Variants in MAP2K3 observed in about 807,000 individuals in gnomAD.
MAP2K3 encodes mitogen-activated protein kinase kinase 3, also known as dual specificity mitogen-activated protein kinase kinase 3.
A neutral mutation model predicts 46.4 loss-of-function variants in MAP2K3; 30 were observed. The observed-to-expected ratio is 0.65, with a 90% CI of 0.48 to 0.88. The LOEUF (loss-of-function observed/expected upper bound fraction) is 0.88, where lower values mean the gene tolerates loss of function less well. MAP2K3 is among the 40% of genes least tolerant of loss of function. MAP2K3 has a pLI of 0.00. For missense variants in MAP2K3, 380 were observed against 464.5 expected, an observed-to-expected ratio of 0.82 and a Z score of 1.67; for synonymous variants, 189 against 176.3, an observed-to-expected ratio of 1.07 and a Z score of -0.57.
At position 21,312,783 on chromosome 17, in the gene MAP2K3, C is replaced by T. The variant is rs78003967; in HGVS notation, c.914+502C>T. On this transcript the variant is annotated intron_variant, in intron 10 of 11. Transcript: ENST00000342679. Reference sequence around the variant, plus strand: ...TAGGAAAATTAGCCGGGCGTGGTGGCGCATGCCTATAATCCCAGCTACTCA... The same window carrying T: ...TAGGAAAATTAGCCGGGCGTGGTGGTGCATGCCTATAATCCCAGCTACTCA... 2.4e-3 allele frequency among the ~76,000 whole-genome samples: 368 copies of T among 152,128 alleles called. 3 individuals carry two copies. Among genetic ancestry groups the T allele is most frequent in the Middle Eastern group, 6.8e-3 (2 of 294 alleles).
chr17:21,304,312 G>GA (rs1976768105), intron 7 of MAP2K3, 114 bp from the exon 8 acceptor site: 1 of 1,571,602 alleles, frequency 6.4e-7, no homozygotes, highest in African/African-American at 1.3e-5. Flanking sequence ...TGGGGCATGG[G>GA]AGGGGGCACA....
At chr17:21,303,649 G>T (rs1474436224) in intron 7 of MAP2K3, among the ~76,000 whole-genome samples, 1 of 152,312 alleles carries the variant, frequency 6.6e-6, no homozygotes, top group Admixed American at 6.5e-5. Flanking sequence ...CACAAGTCTG[G>T]TTTTCCCACA....
intron 9 of MAP2K3, among the ~76,000 whole-genome samples, chr17:21,307,227 G>C (rs1485998739): frequency 6.6e-6 from 1 of 152,306 alleles, no homozygotes; most frequent in Non-Finnish European, 1.5e-5. Flanking sequence ...GCCTTACCCT[G>C]AGTCACCTCA....
chr17:21,289,381 C>T lies in MAP2K3; in HGVS notation c.49+4412C>T, dbSNP rs552567942. ...TAGAACTCAGGCCCCTGGGCCAGCC[C>T]GGGAAGCAAGAGGGCCTGGGGTCAT... On this transcript the variant is annotated intron_variant, in intron 1 of 11. Coordinates refer to ENST00000342679, the MANE Select transcript of MAP2K3 (RefSeq NM_145109.3). 1.8e-3 allele frequency among the ~76,000 whole-genome samples: 250 copies of T among 141,582 alleles called. 1 individual carries two copies. The highest frequency in any genetic ancestry group is 6.5e-3 in the African/African-American group (241 of 37,024). 92.9% of individuals were successfully genotyped at this position (141,582 alleles called of 152,430 possible).
At chr17:21,313,912 G>A (rs1236675828) in intron 11 of MAP2K3, 12 of 589,784 alleles carry the variant, frequency 2.0e-5, no homozygotes, top group Non-Finnish European at 3.0e-5. Flanking sequence ...GAGGCCTGAC[G>A]TGTGGGGGGA....
At chr17:21,288,143 C>T in intron 1 of MAP2K3, 3 of 1,256,644 alleles carry the variant, frequency 2.4e-6, no homozygotes, top group South Asian at 1.2e-5. Context: ...TGCCAGCCGG[C>T]TGCCTACAGC....
At chr17:21,287,655 G>T (rs79841441) in intron 1 of MAP2K3, among the ~76,000 whole-genome samples, 6,976 of 152,304 alleles carry the variant, frequency 0.046, 529 homozygotes, top group African/African-American at 0.16. Flanking sequence ...TGGGGTTAGA[G>T]GCCAAGTGGC....
intron 1 of MAP2K3, chr17:21,291,851 C>G: frequency 3.0e-6 from 1 of 337,900 alleles, no homozygotes; most frequent in South Asian, 2.3e-5. Flanking sequence ...GGGAGCATGG[C>G]TTTGTCTTTA....
In MAP2K3 at chr17:21,298,937, G is replaced by A. The variant is rs758183649; in HGVS notation, c.165+11G>A. The A allele has an allele frequency of 5.0e-6, 8 of 1,614,110 alleles. No homozygotes were observed. In the South Asian group the frequency reaches 5.5e-5, roughly 11 times the overall value. ...ACCATTGGAGACAGAGTAGGTGCCAGCCGCCACCCCTGCAGGGCCTCTCAC... is the reference window on the plus strand; with the variant it reads ...ACCATTGGAGACAGAGTAGGTGCCAACCGCCACCCCTGCAGGGCCTCTCAC... On this transcript the variant is annotated intron_variant, in intron 3 of 11. Coordinates refer to ENST00000342679, the MANE Select transcript of MAP2K3 (RefSeq NM_145109.3).
intron 1 of MAP2K3, among the ~76,000 whole-genome samples, chr17:21,293,359 G>C (rs1048821936): frequency 6.6e-6 from 1 of 152,310 alleles, no homozygotes; most frequent in African/African-American, 2.4e-5. Context: ...CCTTCCCTAC[G>C]TCCTTCCCTC....
At chr17:21,295,784 G>A (rs753621989) in intron 1 of MAP2K3, 1 of 1,289,446 alleles carries the variant, frequency 7.8e-7, no homozygotes, top group African/African-American at 1.5e-5. Context: ...GGAAACTGAG[G>A]CTTGGTGAAG....
chr17:21,304,052 T>C (rs202191030), intron 7 of MAP2K3, among the ~76,000 whole-genome samples: 1 of 110 alleles, frequency 9.1e-3, no homozygotes, highest in Non-Finnish European at 0.05. Flanking sequence ...CAGGCTTTAA[T>C]TGATCCTGCT....
rs1047156202 is a variant in MAP2K3 at position 21,295,884 on chromosome 17, A to G, written c.50-2529A>G. 4 of 1,281,116 alleles carry G rather than the reference A, an allele frequency of 3.1e-6. No homozygotes were observed. In the East Asian group the frequency reaches 2.2e-4, roughly 71 times the overall value. The allele number at this position is 1,281,116 out of a possible 1,614,324, so 79.4% of individuals were successfully genotyped here. ...GAGGGACCAAGAGCAGAGAGAGTGC[A>G]GGGAGGGTGTGGCGTGGACCCCACA... On this transcript the variant is annotated intron_variant, in intron 1 of 11. Coordinates refer to ENST00000342679, the MANE Select transcript of MAP2K3 (RefSeq NM_145109.3).
At chr17:21,299,234 G>A (rs1460937917) in intron 3 of MAP2K3, among the ~76,000 whole-genome samples, 1 of 152,306 alleles carries the variant, frequency 6.6e-6, no homozygotes, top group Non-Finnish European at 1.5e-5. Context: ...TATTGAACAT[G>A]CAGGCTCCTA....
intron 5 of MAP2K3, 62 bp from the exon 6 acceptor site, chr17:21,302,080 AG>A (rs1457832948): frequency 5.8e-5 from 87 of 1,505,188 alleles, no homozygotes; most frequent in Non-Finnish European, 7.8e-5. Flanking sequence ...TGGGGCAGGC[AG>A]TGCAGGTGGT....
chr17:21,286,379 A>G (rs1975723397), intron 1 of MAP2K3, among the ~76,000 whole-genome samples: 1 of 152,242 alleles, frequency 6.6e-6, no homozygotes, highest in African/African-American at 2.4e-5. Flanking sequence ...GTGCAGGCCA[A>G]TGGGAGCCCT....
chr17:21,300,368 G>A, intron 3 of MAP2K3, 177 bp from the exon 4 acceptor site: 2 of 670,830 alleles, frequency 3.0e-6, no homozygotes, highest in South Asian at 3.6e-5. Flanking sequence ...GCATCGTGAG[G>A]CTCAGAGAGG....
Position 21,314,452 on chromosome 17 carries a change from G to A in MAP2K3, c.*222G>A, listed in dbSNP as rs2363192. ...CCAGGCCCTTGTCGGCCCCACCAGT[G>A]CCTCTCCCTGCTGCTCCTAGGACCC... On this transcript the variant is annotated 3_prime_UTR_variant, in exon 12 of 12. Transcript: ENST00000342679. 15 of 569,006 alleles carry A rather than the reference G, an allele frequency of 2.6e-5. No individual in the cohort carries two copies. Among genetic ancestry groups the A allele is most frequent in the African/African-American group, 5.6e-5 (3 of 53,180 alleles). 35.2% of individuals were successfully genotyped at this position (569,006 alleles called of 1,614,324 possible). A position where few individuals can be genotyped will look rare whatever the true frequency, so the allele number is the denominator to read the frequency against.
intron 1 of MAP2K3, chr17:21,296,224 C>T (rs951260284): frequency 2.3e-6 from 3 of 1,282,142 alleles, no homozygotes; most frequent in Middle Eastern, 2.5e-4. Context: ...GGTGGCATTT[C>T]TGCCTCGAGC....
Sources: allele counts gnomAD v4.1 joint callset (sites outside exome capture counted in the v4.1 genomes callset), GRCh38; gene constraint gnomAD v4.1.1; transcripts MANE v1.5; gene names NCBI Gene and HGNC (gene_info 2026-07-23, HGNC 2026-07-21).